NOL4: variants seen among roughly 807,000 people sequenced by gnomAD.
NOL4 encodes nucleolar protein 4.
In NOL4, 17 loss-of-function variants were observed where a neutral mutation model predicts 75.9. The observed-to-expected ratio is 0.22, with a 90% CI of 0.15 to 0.34. The LOEUF (loss-of-function observed/expected upper bound fraction) is 0.34. Among genes scored for constraint, NOL4 ranks in the 10% least tolerant of loss-of-function variants. The pLI, the probability that NOL4 is intolerant of heterozygous loss-of-function variation, is 1.00. For missense variants in NOL4, 614 were observed against 793.5 expected, an observed-to-expected ratio of 0.77 and a Z score of 2.72; for synonymous variants, 292 against 289.9, an observed-to-expected ratio of 1.01 and a Z score of -0.07.
At chr18:34,035,082 C>T (rs2075825334) in intron 5 of NOL4, among the ~76,000 whole-genome samples, 2 of 152,074 alleles carry the variant, frequency 1.3e-5, no homozygotes, top group South Asian at 4.1e-4. Context: ...TACAAGGAAA[C>T]ATTAAACTAC....
intron 1 of NOL4, among the ~76,000 whole-genome samples, chr18:34,186,061 A>G (rs1198550868): frequency 2.6e-5 from 4 of 152,160 alleles, no homozygotes; most frequent in Non-Finnish European, 4.4e-5. Flanking sequence ...TAGTTCTGAA[A>G]TACATCATTT....
intron 1 of NOL4, among the ~76,000 whole-genome samples, chr18:34,136,825 A>C (rs2080912295): frequency 6.6e-6 from 1 of 152,128 alleles, no homozygotes; most frequent in South Asian, 2.1e-4. Flanking sequence ...CTTAAAATTT[A>C]TATGTAAATT....
At chr18:33,854,330 A>G (rs751645403) in intron 10 of NOL4, among the ~76,000 whole-genome samples, 15 of 152,120 alleles carry the variant, frequency 9.9e-5, no homozygotes, top group Non-Finnish European at 1.5e-4. Flanking sequence ...AGCAGAGACA[A>G]GACTAGCACA....
At chr18:33,950,152 T>A (rs1259900972) in intron 8 of NOL4, among the ~76,000 whole-genome samples, 1 of 151,948 alleles carries the variant, frequency 6.6e-6, no homozygotes, top group Non-Finnish European at 1.5e-5. Context: ...CTATTCCCAC[T>A]AATTGTTAAA....
chr18:34,127,971 C>A (rs1240620253), intron 2 of NOL4, among the ~76,000 whole-genome samples: 2 of 151,806 alleles, frequency 1.3e-5, no homozygotes, highest in Non-Finnish European at 3.0e-5. Flanking sequence ...AGATTCTGGA[C>A]ATACTTTCAA....
chr18:34,020,592 A>G (rs1209534654), intron 5 of NOL4, among the ~76,000 whole-genome samples: 1 of 152,200 alleles, frequency 6.6e-6, no homozygotes, highest in African/African-American at 2.4e-5. Flanking sequence ...AAAATTAGAA[A>G]TGACCTAAAT....
chr18:34,205,277 A>G (rs932854665), intron 1 of NOL4, among the ~76,000 whole-genome samples: 1 of 152,266 alleles, frequency 6.6e-6, no homozygotes, highest in Non-Finnish European at 1.5e-5. Context: ...TGATATAACA[A>G]TTCTCTCAGT....
At chr18:33,858,286 G>C (rs1482985398) in intron 10 of NOL4, among the ~76,000 whole-genome samples, 2 of 151,554 alleles carry the variant, frequency 1.3e-5, no homozygotes, top group Non-Finnish European at 2.9e-5. Context: ...TAACAAATTC[G>C]CCCCTTGAAA....
chr18:33,875,420 C>G (rs1184905900), intron 10 of NOL4, among the ~76,000 whole-genome samples: 2 of 152,034 alleles, frequency 1.3e-5, no homozygotes, highest in African/African-American at 4.8e-5. Flanking sequence ...CAGCTCCAAA[C>G]AAATGGAGGT....
chr18:34,153,513 C>T (rs879635368), intron 1 of NOL4, among the ~76,000 whole-genome samples: 12 of 151,908 alleles, frequency 7.9e-5, no homozygotes, highest in Non-Finnish European at 1.6e-4. Context: ...TCACAGGTAA[C>T]GAAGCTGAGA....
At chr18:33,920,321 CTAAAA>C (rs1339302996) in intron 9 of NOL4, among the ~76,000 whole-genome samples, 5 of 152,210 alleles carry the variant, frequency 3.3e-5, no homozygotes, top group African/African-American at 1.2e-4. Flanking sequence ...AAATAAAACT[CTAAAA>C]TAATGTGTAA....
At chr18:33,975,803 TA>T (rs1431357282) in intron 6 of NOL4, among the ~76,000 whole-genome samples, 1 of 152,140 alleles carries the variant, frequency 6.6e-6, no homozygotes, top group Non-Finnish European at 1.5e-5. Flanking sequence ...GTGAAGAAAT[TA>T]ATACACATGG....
intron 6 of NOL4, among the ~76,000 whole-genome samples, chr18:34,006,341 G>C (rs2074025434): frequency 6.6e-6 from 1 of 152,108 alleles, no homozygotes; most frequent in South Asian, 2.1e-4. Context: ...GTGCCTGCAA[G>C]GGTGTTTCTG....
intron 9 of NOL4, among the ~76,000 whole-genome samples, chr18:33,906,244 GCCT>G (rs1220068657): frequency 2.0e-5 from 3 of 152,126 alleles, no homozygotes; most frequent in Admixed American, 6.5e-5. Flanking sequence ...GCATTTCATG[GCCT>G]CCTCAGACCA....
At chr18:34,070,981 G>T (rs2077489490) in intron 5 of NOL4, among the ~76,000 whole-genome samples, 1 of 152,050 alleles carries the variant, frequency 6.6e-6, no homozygotes, top group Admixed American at 6.6e-5. Flanking sequence ...AAAATGGTGT[G>T]GTCAATGGGT....
intron 5 of NOL4, among the ~76,000 whole-genome samples, chr18:34,021,624 G>A (rs2075042807): frequency 6.6e-6 from 1 of 151,972 alleles, no homozygotes; most frequent in Non-Finnish European, 1.5e-5. Context: ...TGGTATGAAG[G>A]GGCAAAATGG....
At chr18:33,923,775 ATTAT>A (rs2067172132) in intron 9 of NOL4, among the ~76,000 whole-genome samples, 1 of 152,220 alleles carries the variant, frequency 6.6e-6, no homozygotes, top group African/African-American at 2.4e-5. Flanking sequence ...AAGAACAAAA[ATTAT>A]TTACTAAGTA....
chr18:34,185,928 T>C (rs2034431124), intron 1 of NOL4, among the ~76,000 whole-genome samples: 1 of 152,222 alleles, frequency 6.6e-6, no homozygotes, highest in Admixed American at 6.5e-5. Flanking sequence ...GTGTGCCTAA[T>C]ATGACAGCTA....
intron 10 of NOL4, among the ~76,000 whole-genome samples, chr18:33,865,087 C>T (rs573781414): frequency 6.6e-6 from 1 of 152,062 alleles, no homozygotes. Flanking sequence ...ATCAATAGTA[C>T]CTAGACAATT....
Sources: allele counts gnomAD v4.1 joint callset (sites outside exome capture counted in the v4.1 genomes callset), GRCh38; gene constraint gnomAD v4.1.1; transcripts MANE v1.5; gene names NCBI Gene and HGNC (gene_info 2026-07-23, HGNC 2026-07-21).